The following RBFOX1 variants were observed in gnomAD, a reference collection of about 807,000 sequenced individuals.
The protein encoded by RBFOX1 is RNA binding protein fox-1 homolog 1.
RBFOX1 carries 8 observed loss-of-function variants against 57.7 expected under a neutral mutation model. The ratio of observed to expected loss-of-function variants is 0.14; its 90% confidence interval spans 0.08 to 0.25. The LOEUF (loss-of-function observed/expected upper bound fraction) is 0.25, where lower values mean the gene tolerates loss of function less well. Among genes scored for constraint, RBFOX1 ranks in the 10% least tolerant of loss-of-function variants. RBFOX1 has a pLI of 1.00. For synonymous variants in RBFOX1, 326 were observed against 222.4 expected, an observed-to-expected ratio of 1.47 and a Z score of -4.15; for missense variants, 611 against 548.5, an observed-to-expected ratio of 1.11 and a Z score of -1.14.
At chr16:5,542,961 T>C (rs1188318385) in intron 2 of RBFOX1, among the ~76,000 whole-genome samples, 1 of 152,168 alleles carries the variant, frequency 6.6e-6, no homozygotes, top group Non-Finnish European at 1.5e-5. Context: ...TAGTGCCAAC[T>C]TCCACCAGCC....
chr16:6,540,931 G>A (rs896422048), intron 2 of RBFOX1, among the ~76,000 whole-genome samples: 1 of 152,072 alleles, frequency 6.6e-6, no homozygotes, highest in Non-Finnish European at 1.5e-5. Flanking sequence ...TGAGGTCTGG[G>A]ATTATCTGCT....
At chr16:7,158,581 GTGTA>G (rs1342208438) in intron 4 of RBFOX1, among the ~76,000 whole-genome samples, 1 of 152,092 alleles carries the variant, frequency 6.6e-6, no homozygotes, top group Non-Finnish European at 1.5e-5. Flanking sequence ...TTTGTGTGGT[GTGTA>G]TGTGCCTGTG....
intron 3 of RBFOX1, among the ~76,000 whole-genome samples, chr16:5,684,185 G>A (rs1197765004): frequency 2.0e-5 from 3 of 152,110 alleles, no homozygotes; most frequent in African/African-American, 7.3e-5. Context: ...ATCCCTGGAG[G>A]TGGGGAGAGG....
At chr16:6,085,791 A>G (rs1022829306) in intron 1 of RBFOX1, among the ~76,000 whole-genome samples, 2 of 152,118 alleles carry the variant, frequency 1.3e-5, no homozygotes, top group African/African-American at 4.8e-5. Context: ...TCCGAACTCC[A>G]TCTTATCTCT....
intron 2 of RBFOX1, among the ~76,000 whole-genome samples, chr16:6,358,324 A>G (rs1317551587): frequency 1.3e-5 from 2 of 152,222 alleles, no homozygotes; most frequent in African/African-American, 2.4e-5. Flanking sequence ...TGTATACTTT[A>G]ATATGTTAAG....
intron 1 of RBFOX1, among the ~76,000 whole-genome samples, chr16:5,441,288 G>C (rs776631988): frequency 2.0e-5 from 3 of 151,846 alleles, no homozygotes; most frequent in Non-Finnish European, 4.4e-5. Context: ...GGGATACAGT[G>C]GTCAGTGTAT....
chr16:6,714,428 AC>A (rs1259274476), intron 3 of RBFOX1, among the ~76,000 whole-genome samples: 1 of 152,122 alleles, frequency 6.6e-6, no homozygotes, highest in Non-Finnish European at 1.5e-5. Flanking sequence ...GCCACTGACC[AC>A]TATATGGAAG....
At chr16:7,078,797 C>G (rs1423436942) in intron 4 of RBFOX1, among the ~76,000 whole-genome samples, 5 of 149,086 alleles carry the variant, frequency 3.4e-5, no homozygotes, top group Non-Finnish European at 7.4e-5. Context: ...ATTCTCCTGC[C>G]TCATCCTCCC....
chr16:6,290,588 C>T (rs1027804489), intron 1 of RBFOX1, among the ~76,000 whole-genome samples: 7 of 146,328 alleles, frequency 4.8e-5, no homozygotes, highest in African/African-American at 1.7e-4. Context: ...AAGAAAGGGA[C>T]ATGGACAACA....
intron 1 of RBFOX1, among the ~76,000 whole-genome samples, chr16:6,162,185 T>G (rs752477279): frequency 4.0e-4 from 61 of 152,214 alleles, no homozygotes; most frequent in South Asian, 1.0e-3. Context: ...TGGTGTCATC[T>G]TGGCTCACTG....
chr16:5,985,777 C>G (rs1318394494), intron 4 of RBFOX1, among the ~76,000 whole-genome samples: 1 of 152,194 alleles, frequency 6.6e-6, no homozygotes. Flanking sequence ...CAGTGACCTG[C>G]AGCAGTGTGA....
intron 2 of RBFOX1, among the ~76,000 whole-genome samples, chr16:6,653,828 C>G (rs1054394595): frequency 6.8e-6 from 1 of 147,018 alleles, no homozygotes; most frequent in South Asian, 2.2e-4. Context: ...GAGAAGGATG[C>G]AGGATAGATG....
At chr16:6,427,832 G>C (rs921744636) in intron 2 of RBFOX1, among the ~76,000 whole-genome samples, 1 of 152,182 alleles carries the variant, frequency 6.6e-6, no homozygotes, top group Non-Finnish European at 1.5e-5. Context: ...CATTTGGCCT[G>C]AGTTCATGCT....
chr16:5,831,473 T>TTTATTATTATTATTATTATTATTA (rs149535816), intron 3 of RBFOX1, among the ~76,000 whole-genome samples: 7 of 141,506 alleles, frequency 4.9e-5, no homozygotes, highest in East Asian at 2.1e-4. Context: ...TCTTTTCTCT[T>TTTATTATTATTATTATTATTATTA]TTATTATTAT....
chr16:5,788,998 C>T (rs868103399), intron 3 of RBFOX1, among the ~76,000 whole-genome samples: 1 of 152,144 alleles, frequency 6.6e-6, no homozygotes, highest in African/African-American at 2.4e-5. Flanking sequence ...CTTCCACTTC[C>T]AGCTGATTCT....
At chr16:6,159,793 A>C (rs1426571920) in intron 1 of RBFOX1, among the ~76,000 whole-genome samples, 1 of 152,218 alleles carries the variant, frequency 6.6e-6, no homozygotes, top group East Asian at 1.9e-4. Flanking sequence ...CATGTACAAA[A>C]ATGACAGAAG....
At chr16:6,357,506 G>A (rs1469647413) in intron 2 of RBFOX1, among the ~76,000 whole-genome samples, 1 of 152,090 alleles carries the variant, frequency 6.6e-6, no homozygotes, top group Non-Finnish European at 1.5e-5. Context: ...GAGCTGTTGA[G>A]GGTGTCTAGC....
intron 1 of RBFOX1, among the ~76,000 whole-genome samples, chr16:6,218,479 T>G (rs1392293754): frequency 6.6e-6 from 1 of 152,006 alleles, no homozygotes; most frequent in African/African-American, 2.4e-5. Flanking sequence ...TGGCTAATTT[T>G]TGTGTATTTT....
intron 3 of RBFOX1, among the ~76,000 whole-genome samples, chr16:7,013,364 T>G (rs1312060464): frequency 1.3e-5 from 2 of 152,132 alleles, no homozygotes; most frequent in Non-Finnish European, 2.9e-5. Flanking sequence ...TCCCTCTCAC[T>G]TGAAGGAAAA....
Sources: allele counts gnomAD v4.1 joint callset (sites outside exome capture counted in the v4.1 genomes callset), GRCh38; gene constraint gnomAD v4.1.1; transcripts MANE v1.5; gene names NCBI Gene and HGNC (gene_info 2026-07-23, HGNC 2026-07-21).